The following GFRA2 variants were observed in gnomAD, a reference collection of about 807,000 sequenced individuals.
The protein encoded by GFRA2 is GDNF family receptor alpha-2.
A neutral mutation model predicts 48.3 loss-of-function variants in GFRA2; 17 were observed. The observed-to-expected ratio is 0.35, with a 90% CI of 0.24 to 0.53. GFRA2 has a LOEUF of 0.53. Ranked by LOEUF, GFRA2 falls within the 20% of genes least tolerant of loss-of-function variation. The pLI, the probability that GFRA2 is intolerant of heterozygous loss-of-function variation, is 0.93. For synonymous variants in GFRA2, 305 were observed against 257.2 expected, an observed-to-expected ratio of 1.19 and a Z score of -1.78; for missense variants, 660 against 637.3, an observed-to-expected ratio of 1.04 and a Z score of -0.38.
chr8:21,787,029 C>T (rs1807306933), intron 1 of GFRA2, among the ~76,000 whole-genome samples: 2 of 152,118 alleles, frequency 1.3e-5, no homozygotes, highest in Non-Finnish European at 2.9e-5. Flanking sequence ...AGTTACCCGG[C>T]TCCCTCTATG....
intron 4 of GFRA2, among the ~76,000 whole-genome samples, chr8:21,709,582 C>G (rs1305899492): frequency 6.6e-6 from 1 of 152,102 alleles, no homozygotes; most frequent in South Asian, 2.1e-4. Flanking sequence ...GCTAAGGGGC[C>G]GGGGTAGTGT....
At chr8:21,716,677 A>G (rs1021315329) in intron 4 of GFRA2, among the ~76,000 whole-genome samples, 4 of 152,214 alleles carry the variant, frequency 2.6e-5, no homozygotes, top group Non-Finnish European at 5.9e-5. Flanking sequence ...GATAAACGTG[A>G]TGGGACTTTC....
At chr8:21,730,493 G>A (rs1201969856) in intron 4 of GFRA2, among the ~76,000 whole-genome samples, 3 of 152,150 alleles carry the variant, frequency 2.0e-5, no homozygotes, top group East Asian at 3.9e-4. Flanking sequence ...TCACTCCTCG[G>A]CCCCTATCTG....
intron 4 of GFRA2, among the ~76,000 whole-genome samples, chr8:21,716,612 G>C (rs1253775059): frequency 2.0e-5 from 3 of 152,182 alleles, no homozygotes; most frequent in African/African-American, 4.8e-5. Flanking sequence ...TCTACTTCTG[G>C]CCTTGAGATT....
Position 21,750,110 on chromosome 8 carries a change from C to CACACACGCAT in GFRA2, c.794+477_794+478insATGCGTGTGT, listed in dbSNP as rs1554492641. On this transcript the variant is annotated intron_variant, in intron 4 of 8. Transcript: ENST00000524240. This position sits in a 1 kb window ranked among gnomAD's most constrained non-coding sequence, Gnocchi z 5.7. Reference sequence around the variant, plus strand: ...GTATACACACACACACACACACACACGCACATATATAGGTAGAGACTGAGT... The same window carrying CACACACGCAT: ...GTATACACACACACACACACACACACACACACGCATGCACATATATAGGTAGAGACTGAGT... 7.3e-5 allele frequency among the ~76,000 whole-genome samples: 11 copies of CACACACGCAT among 151,482 alleles called. No individual in the cohort carries two copies. The South Asian group carries it at 1.0e-3, about 14-fold the overall frequency.
At chr8:21,797,002 A>G (rs1378771717) in intron 2 of GFRA2, among the ~76,000 whole-genome samples, 1 of 152,202 alleles carries the variant, frequency 6.6e-6, no homozygotes, top group African/African-American at 2.4e-5. Flanking sequence ...TCCAGGCATC[A>G]AGTGATCTGT....
chr8:21,806,644 T>C lies in GFRA2; in HGVS notation c.-147-1516A>G, dbSNP rs142355945. 3.9e-5 allele frequency among the ~76,000 whole-genome samples: 6 copies of C among 152,248 alleles called. No individual in the cohort carries two copies. The East Asian group carries it at 1.2e-3, about 29-fold the overall frequency. ...CATACCTAGCTAAATTTCCTTTAAC[T>C]TTTGTAGAGATGGGGTCTTGCCGTG... On this transcript the variant is annotated intron_variant, in intron 1 of 10. Transcript: ENST00000517328.
chr8:21,778,477 C>T (rs1052540040), intron 2 of GFRA2, among the ~76,000 whole-genome samples: 5 of 152,214 alleles, frequency 3.3e-5, no homozygotes, highest in Non-Finnish European at 5.9e-5. Flanking sequence ...AAAGGTCTCC[C>T]GACCTGTCTG....
chr8:21,746,520 AG>A (rs781628770), intron 4 of GFRA2, among the ~76,000 whole-genome samples: 1 of 152,176 alleles, frequency 6.6e-6, no homozygotes, highest in Non-Finnish European at 1.5e-5. Flanking sequence ...TCAGGATCCC[AG>A]GCCTCCTAAA....
At chr8:21,804,204 AC>A (rs1807819068) in intron 2 of GFRA2, among the ~76,000 whole-genome samples, 1 of 143,660 alleles carries the variant, frequency 7.0e-6, no homozygotes, top group Non-Finnish European at 1.5e-5. Flanking sequence ...ATACATGCAC[AC>A]ACACACACAC....
At chr8:21,695,553 A>G (rs1322750597) in intron 7 of GFRA2, among the ~76,000 whole-genome samples, 2 of 152,116 alleles carry the variant, frequency 1.3e-5, no homozygotes. Flanking sequence ...TGGAGATAGG[A>G]CCACGGTGAT....
chr8:21,739,142 C>G (rs773801693), intron 4 of GFRA2, among the ~76,000 whole-genome samples: 5 of 152,172 alleles, frequency 3.3e-5, no homozygotes, highest in Non-Finnish European at 7.4e-5. Context: ...GTGTCTTGGA[C>G]CAGGGAGAGT....
chr8:21,751,982 C>T (rs1000873160), intron 3 of GFRA2, among the ~76,000 whole-genome samples: 4 of 152,208 alleles, frequency 2.6e-5, no homozygotes, highest in African/African-American at 9.7e-5. Flanking sequence ...ACTCCTGGCC[C>T]TGATACTTAC....
intron 4 of GFRA2, among the ~76,000 whole-genome samples, chr8:21,741,049 G>A (rs752422392): frequency 5.9e-5 from 9 of 152,224 alleles, no homozygotes; most frequent in South Asian, 2.1e-4. Context: ...AGTCGTTCTC[G>A]CCTCCTCCCT....
In GFRA2 at chr8:21,782,650, C is replaced by T. The variant is rs1807067422; in HGVS notation, c.290G>A (p.Arg97Gln). The T allele has an allele frequency of 5.7e-6, 9 of 1,585,512 alleles. No homozygotes were observed. The African/African-American group carries it at 9.4e-5, about 17-fold the overall frequency. ...ACACTGCAGCTCCTTCTTCATGCCC[C>T]GCTTGCAGCGGCAGTCGTACAGCGG... is the stretch of plus-strand genomic sequence containing the variant. ...ESPLYDCRCK[R>Q]GMKKELQCLQ... is the part of the protein sequence containing the mutation. Residue 97 changes from arginine to glutamine, a missense_variant, in exon 2 of 9, where the codon CGG (arginine) becomes CAG (glutamine). Arg to Gln is a conservative substitution (Grantham distance 43, BLOSUM62 1). Transcript: ENST00000524240.
chr8:21,731,455 T>C (rs1257365119), intron 4 of GFRA2, among the ~76,000 whole-genome samples: 2 of 152,160 alleles, frequency 1.3e-5, no homozygotes, highest in Admixed American at 1.3e-4. Context: ...GCCCCTTCTC[T>C]CTTTTCCAAA....
chr8:21,772,720 G>T (rs923911835), intron 3 of GFRA2, among the ~76,000 whole-genome samples: 14 of 152,150 alleles, frequency 9.2e-5, no homozygotes, highest in Non-Finnish European at 1.8e-4. Context: ...GGTAAAAGGG[G>T]GCTGATTCGG....
chr8:21,734,885 G>A (rs991932203), intron 4 of GFRA2, among the ~76,000 whole-genome samples: 3 of 152,194 alleles, frequency 2.0e-5, no homozygotes, highest in African/African-American at 7.2e-5. Flanking sequence ...AATTCAAGCT[G>A]GGAACTGCCC....
intron 2 of GFRA2, among the ~76,000 whole-genome samples, chr8:21,793,925 G>A (rs1284004981): frequency 2.0e-5 from 3 of 149,926 alleles, no homozygotes; most frequent in African/African-American, 7.4e-5. Context: ...GTTCAGTGGT[G>A]CAATCATAGC....
Sources: gnomAD v4.1 joint callset for allele counts (sites outside exome capture counted in the v4.1 genomes callset) on GRCh38, gnomAD v4.1.1 for gene constraint, Gnocchi (gnomAD v3.1) non-coding constraint, MANE v1.5 for transcripts, NCBI Gene and HGNC (gene_info 2026-07-23, HGNC 2026-07-21) for gene names.